The following HLA-F variants were observed in gnomAD, a reference collection of about 807,000 sequenced individuals.
HLA-F encodes the protein major histocompatibility complex, class I, F.
Under a neutral mutation model 49.5 loss-of-function variants are expected in HLA-F, and 46 were observed. The ratio of observed to expected loss-of-function variants is 0.93; its 90% CI spans 0.73 to 1.19. The LOEUF (loss-of-function observed/expected upper bound fraction) is 1.19. Ranked by LOEUF, HLA-F falls within the 50% of genes most tolerant of loss-of-function variation. HLA-F has a pLI of 0.00. For missense variants in HLA-F, 496 were observed against 579.6 expected (o/e 0.86, Z 1.48); for synonymous variants, 203 against 233.5 (o/e 0.87, Z 1.19).
intron 3 of HLA-F, chr6:29,738,047 T>G (rs1736910): frequency 0.82 from 124,330 of 152,242 alleles, 51,085 homozygotes; most frequent in East Asian, 0.98. Context: ...ACGGGGACAG[T>G]GATCTCTCCA....
chr6:29,725,257 A>T lies in HLA-F; in HGVS notation c.837A>T (p.Thr279=), dbSNP rs370537651. The T allele has an allele frequency of 1.2e-6, 2 of 1,614,086 alleles. No individual in the cohort carries two copies. Among genetic ancestry groups the T allele is most frequent in the South Asian group, 2.2e-5 (2 of 91,078 alleles). The change falls in exon 4 of 7, where the codon ACA becomes ACT. Residue 279 remains threonine, a synonymous_variant. Coordinates refer to ENST00000259951, the MANE Select transcript of HLA-F (RefSeq NM_001098479.2). ...VVPPGEEQRY[T]CHVQHEGLPQ... ...CTCCTGGAGAGGAACAGAGATACAC[A>T]TGCCATGTGCAGCACGAGGGGCTGC...
downstream of HLA-F, chr6:29,728,019 C>T (rs1249208379): frequency 1.9e-6 from 1 of 519,042 alleles, no homozygotes. Flanking sequence ...AATTTTCCCA[C>T]CAGAGGACAT....
At chr6:29,725,371 C>A in intron 4 of HLA-F, 65 bp downstream of exon 4, 1 of 1,609,748 alleles carries the variant, frequency 6.2e-7, no homozygotes, top group Non-Finnish European at 8.5e-7. Flanking sequence ...AAAGCAGGAG[C>A]CCTTCTGGAG....
Position 29,725,459 on chromosome 6 carries a change from A to T in HLA-F, c.899A>T (p.Gln300Leu). The change falls in exon 5 of 7, where the codon CAG (glutamine) becomes CTG (leucine). Residue 300 changes from glutamine (Q) to leucine (L), a missense_variant. Coordinates refer to ENST00000259951, the MANE Select transcript of HLA-F (RefSeq NM_001098479.2). ...PLILRWEQSPQPTIPIVGIVA... is the reference protein window; with the variant it reads ...PLILRWEQSPLPTIPIVGIVA... ...CTTCCTTTCCCAGAGCAGTCTCCCCAGCCCACCATCCCCATCGTGGGCATC... is the reference window on the plus strand; with the variant it reads ...CTTCCTTTCCCAGAGCAGTCTCCCCTGCCCACCATCCCCATCGTGGGCATC... 6.2e-7 allele frequency: 1 copy of T among 1,613,952 alleles called. No homozygotes were observed. The highest frequency in any genetic ancestry group is 2.2e-5 in the East Asian group (1 of 44,870).
downstream of HLA-F, chr6:29,728,199 TA>T (rs9278278): frequency 0.18 from 72,464 of 410,954 alleles, 7,706 homozygotes; most frequent in East Asian, 0.3. Flanking sequence ...TTGCCAAGGG[TA>T]AGGAGGCCTG....
chr6:29,733,882 T>C (rs1042434271), intron 3 of HLA-F, among the ~76,000 whole-genome samples: 1 of 152,122 alleles, frequency 6.6e-6, no homozygotes, highest in Non-Finnish European at 1.5e-5. Context: ...TAATTATATA[T>C]ATATTTATGT....
In HLA-F at chr6:29,726,262, G is replaced by A. The variant is rs1391426614; in HGVS notation, c.1036+219G>A. 1.0e-5 allele frequency: 10 copies of A among 982,198 alleles called. No homozygotes were observed. In the Admixed American group the frequency reaches 1.7e-4, roughly 17 times the overall value. 60.8% of individuals were successfully genotyped at this position (982,198 alleles called of 1,614,324 possible). A position where few individuals can be genotyped will look rare whatever the true frequency, so the allele number is the denominator to read the frequency against. ...AGGGCAGGGGCCCTGATGTGAGTGG[G>A]GTGTTGGGGGGGAACAGAGGGGACT... is the stretch of plus-strand genomic sequence containing the variant. On this transcript the variant is annotated intron_variant, in intron 6 of 6. Coordinates refer to ENST00000259951, the MANE Select transcript of HLA-F (RefSeq NM_001098479.2).
chr6:29,732,131 A>ATTT (rs9256970), downstream of HLA-F, among the ~76,000 whole-genome samples: 9,914 of 151,040 alleles, frequency 0.066, 538 homozygotes, highest in African/African-American at 0.15. Flanking sequence ...TGCCCAGCTA[A>ATTT]TTTTTTTTTG....
intron 3 of HLA-F, among the ~76,000 whole-genome samples, chr6:29,733,354 T>C (rs115929641): frequency 0.025 from 3,206 of 129,148 alleles, 77 homozygotes; most frequent in African/African-American, 0.056. Flanking sequence ...TTCTTCTGTG[T>C]ATTTTATTTT....
Position 29,723,648 on chromosome 6 carries a change from T to C in HLA-F, c.65-10T>C. 6.2e-7 allele frequency: 1 copy of C among 1,605,966 alleles called. No homozygotes were observed. The highest frequency in any genetic ancestry group is 8.5e-7 in the Non-Finnish European group (1 of 1,176,418). On this transcript the variant is annotated splice_polypyrimidine_tract_variant and intron_variant, in intron 1 of 6. Transcript: ENST00000259951. ...GGGTCTGGCGGGTCTCAGCCCCTCCTCGCCCCCAGGCTCCCACTCCTTGAG... is the reference window on the plus strand; with the variant it reads ...GGGTCTGGCGGGTCTCAGCCCCTCCCCGCCCCCAGGCTCCCACTCCTTGAG...
chr6:29,727,100 T>C lies in HLA-F; in HGVS notation c.1254T>C (p.Phe418=), dbSNP rs536601549. Residue 418 remains phenylalanine, a synonymous_variant, in exon 7 of 7, where the codon TTT becomes TTC. Transcript: ENST00000259951. Reference sequence around the variant, plus strand: ...AAAGCCTTCGCTTTGGCTTCGGCTTTAGGAGGGGCAGGAGCTTCCTTCTTC... The same window carrying C: ...AAAGCCTTCGCTTTGGCTTCGGCTTCAGGAGGGGCAGGAGCTTCCTTCTTC... ...ALQSLRFGFG[F]RRGRSFLLRS... 2.5e-6 allele frequency: 4 copies of C among 1,612,912 alleles called. No individual in the cohort carries two copies. In the African/African-American group the frequency reaches 5.3e-5, roughly 22 times the overall value.
chr6:29,738,038 CG>C (rs1383655862), intron 3 of HLA-F: 1 of 152,294 alleles, frequency 6.6e-6, no homozygotes, highest in Non-Finnish European at 1.5e-5. Context: ...CCCCCAAACA[CG>C]GGGACAGTGA....
chr6:29,723,761 G>A lies in HLA-F; in HGVS notation c.168G>A (p.Arg56=). 1 of 1,611,596 alleles carries A rather than the reference G, an allele frequency of 6.2e-7. No homozygotes were observed. The highest frequency in any genetic ancestry group is 8.5e-7 in the Non-Finnish European group (1 of 1,179,534). Residue 56 remains arginine (R), a synonymous_variant, in exon 2 of 7, where the codon CGG becomes CGA. Transcript: ENST00000259951. ...VEYVDDTQFL[R]FDSDAAIPRM... The stretch of plus-strand genomic sequence containing the variant: ...ACGTAGACGACACGCAATTCCTGCG[G>A]TTCGACAGCGACGCCGCGATTCCGA...
downstream of HLA-F, among the ~76,000 whole-genome samples, chr6:29,730,670 C>A (rs1776495842): frequency 6.6e-6 from 1 of 152,122 alleles, no homozygotes; most frequent in African/African-American, 2.4e-5. Context: ...AAGGGCTTTC[C>A]AGCTGGGCTG....
chr6:29,723,938 C>T lies in HLA-F; in HGVS notation c.334+11C>T, dbSNP rs778745328. The T allele has an allele frequency of 2.7e-5, 43 of 1,586,068 alleles. No individual in the cohort carries two copies. Among genetic ancestry groups the T allele is most frequent in the Non-Finnish European group, 3.7e-5 (43 of 1,166,580 alleles). On this transcript the variant is annotated intron_variant, in intron 2 of 6. Transcript: ENST00000259951. ...ACCAGAGCGAGGCTGGTGAGTGAAC[C>T]CGGCCGGGGGCGCAGGTCACGACCA...
downstream of HLA-F, chr6:29,727,421 A>G: frequency 2.4e-6 from 1 of 421,650 alleles, no homozygotes; most frequent in Non-Finnish European, 4.2e-6. Flanking sequence ...AATTACCTAC[A>G]ATCTATAACA....
Position 29,725,219 on chromosome 6 carries a change from GCTGTGGTGGTGCCTC to G in HLA-F, c.803_817del (p.Val268_Pro272del). ...GGATGGAACCTTCCAGAAGTGGGCC[GCTGTGGTGGTGCCTC>G]CTGGAGAGGAACAGAGATACACATG... On this transcript the variant is annotated inframe_deletion, in exon 4 of 7. Transcript: ENST00000259951. The G allele has an allele frequency of 6.2e-7, 1 of 1,614,016 alleles. No homozygotes were observed. The highest frequency in any genetic ancestry group is 2.2e-5 in the East Asian group (1 of 44,876).
downstream of HLA-F, among the ~76,000 whole-genome samples, chr6:29,731,046 T>G (rs1378194046): frequency 6.6e-6 from 1 of 151,864 alleles, no homozygotes; most frequent in African/African-American, 2.4e-5. Flanking sequence ...CTCAGAAATG[T>G]CATGCCCAGT....
chr6:29,723,519 C>G lies in HLA-F; in HGVS notation c.56C>G (p.Thr19Ser), dbSNP rs776550617. The change falls in exon 1 of 7, where the codon ACT (threonine) becomes AGT (serine). Residue 19 changes from threonine (T) to serine (S), a missense_variant. By Grantham distance (58) the Thr-to-Ser change is moderately conservative. Coordinates refer to ENST00000259951, the MANE Select transcript of HLA-F (RefSeq NM_001098479.2). ...TCAGGGGCCCTGGCCCTGACCGATA[C>G]TTGGGCGGGTGAGTGCGGGGTCCAG... ...LLSGALALTD[T>S]WAGSHSLRYF... 1.2e-6 allele frequency: 2 copies of G among 1,612,642 alleles called. No homozygotes were observed. The highest frequency in any genetic ancestry group is 1.7e-5 in the Admixed American group (1 of 59,560).
Sources: allele counts gnomAD v4.1 joint callset (sites outside exome capture counted in the v4.1 genomes callset), GRCh38; gene constraint gnomAD v4.1.1; transcripts MANE v1.5; gene names NCBI Gene and HGNC (gene_info 2026-07-23, HGNC 2026-07-21).